The following CCDC88C variants were observed in gnomAD, a reference collection of about 807,000 sequenced individuals.
The protein encoded by CCDC88C is coiled-coil and HOOK domain protein 88C, also known as protein Daple.
In CCDC88C, 131 loss-of-function variants were observed where a neutral mutation model predicts 198.8. The observed-to-expected ratio is 0.66, with a 90% CI of 0.57 to 0.76. The LOEUF (loss-of-function observed/expected upper bound fraction) is 0.76, where lower values mean the gene tolerates loss of function less well. Among genes scored for constraint, CCDC88C ranks in the 30% least tolerant of loss-of-function variants. CCDC88C has a pLI of 0.00. For synonymous variants in CCDC88C, 1,166 were observed against 1,114.7 expected (o/e 1.05, Z -0.92); for missense variants, 2,553 against 2,631.6 (o/e 0.97, Z 0.65).
chr14:91,398,874 G>C (rs995248618), intron 3 of CCDC88C, among the ~76,000 whole-genome samples: 4 of 152,176 alleles, frequency 2.6e-5, no homozygotes, highest in African/African-American at 9.7e-5. Context: ...GTCTGCTGCA[G>C]AGCATGGCTT....
rs1156264473 is a variant in CCDC88C, at chr14:91,307,086, G to A, written c.3147C>T (p.Thr1049=). ...EAWGPGHKEA[T]MELLRVKDRA... is the part of the protein sequence containing the mutation. ...GGTCCTTCACTCGGAGAAGCTCCATGGTGGCTTCCTTATGGCCGGGCCCCC... is the reference window on the plus strand; with the variant it reads ...GGTCCTTCACTCGGAGAAGCTCCATAGTGGCTTCCTTATGGCCGGGCCCCC... The change falls in exon 18 of 30, where the codon ACC becomes ACT. Residue 1049 remains threonine, a synonymous_variant. Transcript: ENST00000389857. 6.2e-7 allele frequency: 1 copy of A among 1,613,888 alleles called. No individual in the cohort carries two copies. Among genetic ancestry groups the A allele is most frequent in the East Asian group, 2.2e-5 (1 of 44,880 alleles).
At chr14:91,346,620 A>G (rs1893555198) in intron 4 of CCDC88C, among the ~76,000 whole-genome samples, 1 of 152,144 alleles carries the variant, frequency 6.6e-6, no homozygotes, top group Non-Finnish European at 1.5e-5. Context: ...TAAAGAGAAA[A>G]GGGGCTGGGC....
chr14:91,321,090 T>C (rs2139820451), intron 13 of CCDC88C, 30 bp downstream of exon 13: 7 of 1,578,718 alleles, frequency 4.4e-6, no homozygotes, highest in Non-Finnish European at 6.0e-6. Context: ...GGTTCTGTGC[T>C]TCCCCGGTGG....
chr14:91,346,767 C>A (rs946152641), intron 4 of CCDC88C, among the ~76,000 whole-genome samples: 1 of 152,096 alleles, frequency 6.6e-6, no homozygotes, highest in African/African-American at 2.4e-5. Flanking sequence ...GGCGTGGTGG[C>A]ACGCGTCTGT....
intron 3 of CCDC88C, among the ~76,000 whole-genome samples, chr14:91,395,789 C>T (rs1006021886): frequency 6.6e-6 from 1 of 152,130 alleles, no homozygotes; most frequent in Admixed American, 6.5e-5. Context: ...TACAGAACAC[C>T]CCTACATGTA....
chr14:91,417,400 C>T, intron 1 of CCDC88C: 1 of 572,648 alleles, frequency 1.7e-6, no homozygotes, highest in Non-Finnish European at 3.1e-6. Flanking sequence ...CTGGCCCGGC[C>T]GAAAGCGCGG....
intron 25 of CCDC88C, among the ~76,000 whole-genome samples, chr14:91,285,149 A>T (rs1444554624): frequency 6.6e-6 from 1 of 152,240 alleles, no homozygotes; most frequent in Admixed American, 6.5e-5. Flanking sequence ...TTCAAAACAG[A>T]ACACATTTTA....
intron 3 of CCDC88C, among the ~76,000 whole-genome samples, chr14:91,407,276 T>A (rs1886547932): frequency 6.6e-6 from 1 of 152,024 alleles, no homozygotes; most frequent in Admixed American, 6.6e-5. Context: ...CACCCAGCAG[T>A]CCCTCAGCAG....
chr14:91,389,989 G>A (rs867176281), intron 3 of CCDC88C, among the ~76,000 whole-genome samples: 73 of 151,754 alleles, frequency 4.8e-4, no homozygotes, highest in African/African-American at 1.7e-3. Context: ...GGAGAATGGC[G>A]TGAACCCGGG....
chr14:91,319,985 T>C (rs961240840), intron 13 of CCDC88C, among the ~76,000 whole-genome samples: 5 of 135,956 alleles, frequency 3.7e-5, no homozygotes, highest in African/African-American at 1.5e-4. Flanking sequence ...GATTGTGCCA[T>C]TGCACTCCAG....
At chr14:91,356,937 A>C (rs2139898123) in intron 4 of CCDC88C, among the ~76,000 whole-genome samples, 1 of 152,310 alleles carries the variant, frequency 6.6e-6, no homozygotes, top group East Asian at 1.9e-4. Flanking sequence ...ATTGGAGCTA[A>C]AGGGAGGGGT....
Position 91,314,038 on chromosome 14 carries a change from T to C in CCDC88C, c.1778A>G (p.Lys593Arg). The C allele has an allele frequency of 6.2e-7, 1 of 1,613,846 alleles. No individual in the cohort carries two copies. Among genetic ancestry groups the C allele is most frequent in the Non-Finnish European group, 8.5e-7 (1 of 1,179,834 alleles). ...CTCCGTCACCGTCTGGTGGAGGGCT[T>C]TGTTCTCCTTCTCCACGTCTTTCAT... ...ARMKDVEKEN[K>R]ALHQTVTEAN... The change falls in exon 15 of 30, where the codon AAA becomes AGA. Residue 593 changes from lysine to arginine, a missense_variant. Transcript: ENST00000389857.
rs1056031632 is a variant in CCDC88C, at chr14:91,399,667, G to A, written c.270+8992C>T. On this transcript the variant is annotated intron_variant, in intron 3 of 29. Transcript: ENST00000389857. ...AGCCTGGCCAACACGGTGAAACCCC[G>A]TCTCTACTAAAAATACAAAAAATGT... Among the ~76,000 whole-genome samples, 6 of 151,832 alleles carry A rather than the reference G, an allele frequency of 4.0e-5. No individual in the cohort carries two copies. The East Asian group carries it at 7.7e-4, about 20-fold the overall frequency.
intron 29 of CCDC88C, among the ~76,000 whole-genome samples, chr14:91,276,686 T>G (rs1889978638): frequency 6.6e-6 from 1 of 152,196 alleles, no homozygotes; most frequent in Non-Finnish European, 1.5e-5. Context: ...TTAAGGGGAA[T>G]GAGATGGAAA....
chr14:91,299,968 G>C lies in CCDC88C; in HGVS notation c.3738C>G (p.Leu1246=), dbSNP rs181938142. 1 of 1,593,940 alleles carries C rather than the reference G, an allele frequency of 6.3e-7. No homozygotes were observed. The highest frequency in any genetic ancestry group is 2.3e-5 in the East Asian group (1 of 44,190). The change falls in exon 21 of 30, where the codon CTC becomes CTG. Residue 1246 remains leucine, a synonymous_variant. Transcript: ENST00000389857. The stretch of plus-strand genomic sequence containing the variant: ...GCAGCCTCTGGTTCTCGCCCATGGC[G>C]AGGGCGTTTGTCCTCTGCTCCTGCT... The part of the protein sequence containing the change: ...ALQQEQRTNA[L]AMGENQRLRG...
Position 91,340,356 on chromosome 14 carries a change from G to C in CCDC88C, c.484-332C>G, listed in dbSNP as rs1241054010. Among the ~76,000 whole-genome samples the C allele has an allele frequency of 4.6e-5, 7 of 152,226 alleles. 1 individual carries two copies. Among genetic ancestry groups the C allele is most frequent in the Non-Finnish European group, 8.8e-5 (6 of 68,042 alleles). On this transcript the variant is annotated intron_variant, in intron 6 of 29. Coordinates refer to ENST00000389857, the MANE Select transcript of CCDC88C (RefSeq NM_001080414.4). ...TCAATGTAGAACACAAAGAAGGAAA[G>C]CTTCAGGGTGAGAGGGTGAGGAAAG...
intron 4 of CCDC88C, among the ~76,000 whole-genome samples, chr14:91,345,184 A>ATTTTT (rs1458769741): frequency 3.0e-5 from 2 of 67,572 alleles, no homozygotes; most frequent in African/African-American, 1.1e-4. Context: ...ATATATATAT[A>ATTTTT]TATATATTTT....
At position 91,372,967 on chromosome 14, in the gene CCDC88C, G is replaced by T. The variant is rs113456477; in HGVS notation, c.271-13256C>A. Among the ~76,000 whole-genome samples, 537 of 152,252 alleles carry T rather than the reference G, an allele frequency of 3.5e-3. 2 individuals are homozygous for T. Among genetic ancestry groups the T allele is most frequent in the African/African-American group, 8.0e-3 (332 of 41,536 alleles). On this transcript the variant is annotated intron_variant, in intron 3 of 29. Transcript: ENST00000389857. ...GGGCACTGTGCTCTCAACATGCTCC[G>T]GGGCGACACACCATCCTCCCTCCTG...
intron 1 of CCDC88C, among the ~76,000 whole-genome samples, 155 bp from the exon 2 acceptor site, chr14:91,416,993 T>C (rs1474944114): frequency 6.6e-6 from 1 of 151,994 alleles, no homozygotes; most frequent in Admixed American, 6.6e-5. Context: ...AGCCCGGCCT[T>C]CTCCTAGGGC....
Sources: allele counts gnomAD v4.1 joint callset (sites outside exome capture counted in the v4.1 genomes callset), GRCh38; gene constraint gnomAD v4.1.1; transcripts MANE v1.5; gene names NCBI Gene and HGNC (gene_info 2026-07-23, HGNC 2026-07-21).